Variants in SCLY observed in about 807,000 individuals in gnomAD.
The protein encoded by SCLY is selenocysteine lyase.
A neutral mutation model predicts 50.1 loss-of-function variants in SCLY; 38 were observed. The observed-to-expected ratio is 0.76, with a 90% CI of 0.59 to 0.99. The LOEUF is 0.99. Among genes scored for constraint, SCLY ranks in the 50% least tolerant of loss-of-function variants. The pLI, the probability that SCLY is intolerant of heterozygous loss-of-function variation, is 0.00. For synonymous variants in SCLY, 243 were observed against 249.4 expected, an observed-to-expected ratio of 0.97 and a Z score of 0.24; for missense variants, 600 against 620.0, an observed-to-expected ratio of 0.97 and a Z score of 0.34.
At chr2:238,088,915 G>A (rs1416681051) in intron 7 of SCLY, among the ~76,000 whole-genome samples, 2 of 152,190 alleles carry the variant, frequency 1.3e-5, no homozygotes, top group Non-Finnish European at 2.9e-5. Context: ...GGAAGTTCTG[G>A]TCAGCGTAGT....
intron 1 of SCLY, among the ~76,000 whole-genome samples, chr2:238,063,664 A>C (rs187722129): frequency 2.0e-3 from 304 of 152,348 alleles, no homozygotes; most frequent in Non-Finnish European, 2.3e-3. Flanking sequence ...CTGGGGCCAA[A>C]GTTCACCTGC....
At chr2:238,085,870 T>G (rs2065292499) in intron 7 of SCLY, among the ~76,000 whole-genome samples, 1 of 152,082 alleles carries the variant, frequency 6.6e-6, no homozygotes, top group African/African-American at 2.4e-5. Context: ...GCTAAAAAAT[T>G]TCCTGAATTT....
At chr2:238,082,257 A>T in intron 6 of SCLY, 48 bp downstream of exon 6, 1 of 1,526,230 alleles carries the variant, frequency 6.6e-7, no homozygotes, top group Non-Finnish European at 8.9e-7. Flanking sequence ...CCTACTGCGC[A>T]GGTGGCTGTT....
intron 1 of SCLY, among the ~76,000 whole-genome samples, chr2:238,062,936 C>T (rs2065031902): frequency 6.6e-6 from 1 of 152,208 alleles, no homozygotes. Flanking sequence ...AAAAGATATA[C>T]AGATAAATTT....
At position 238,069,275 on chromosome 2, in the gene SCLY, T is replaced by A; in HGVS notation, c.304-22T>A. ...ACCTCAGCACAGTTTTTGTAAATGCTTTTTTTGCTGTATCTCTGCAGTCAA... is the reference window on the plus strand; with the variant it reads ...ACCTCAGCACAGTTTTTGTAAATGCATTTTTTGCTGTATCTCTGCAGTCAA... On this transcript the variant is annotated intron_variant, in intron 3 of 11. Transcript: ENST00000254663. This position sits in a 1 kb window ranked among gnomAD's most constrained non-coding sequence, Gnocchi z 5.0. 2 of 1,604,674 alleles carry A rather than the reference T, an allele frequency of 1.2e-6. No individual in the cohort carries two copies. The highest frequency in any genetic ancestry group is 1.7e-6 in the Non-Finnish European group (2 of 1,175,234).
chr2:238,081,570 A>G, intron 4 of SCLY, 139 bp from the exon 5 acceptor site: 3 of 1,230,356 alleles, frequency 2.4e-6, no homozygotes, highest in Non-Finnish European at 3.4e-6. Flanking sequence ...TGGGCGGCTT[A>G]TATTCTTCTT....
At chr2:238,097,969 C>A (rs2065457453) in intron 11 of SCLY, among the ~76,000 whole-genome samples, 1 of 152,162 alleles carries the variant, frequency 6.6e-6, no homozygotes, top group Non-Finnish European at 1.5e-5. Flanking sequence ...CTGGGAGTGC[C>A]AAGTGCAAGA....
At chr2:238,096,696 G>A in intron 10 of SCLY, 105 bp from the exon 11 acceptor site, 1 of 1,223,554 alleles carries the variant, frequency 8.2e-7, no homozygotes, top group Non-Finnish European at 1.2e-6. Flanking sequence ...CCACCAGGTG[G>A]CACAGAGGGA....
Position 238,099,310 on chromosome 2 carries a change from T to C in SCLY, c.*955T>C, listed in dbSNP as rs1202863116. ...TGCATAGGAGTCATTTTCAGTGGAA[T>C]AACATTTTTAATGTGTGGTTTTACG... On this transcript the variant is annotated 3_prime_UTR_variant, in exon 12 of 12. Coordinates refer to ENST00000254663, the MANE Select transcript of SCLY (RefSeq NM_016510.7). The C allele has an allele frequency of 4.2e-6, 2 of 471,742 alleles. No homozygotes were observed. The highest frequency in any genetic ancestry group is 4.7e-5 in the Admixed American group (2 of 42,584). The allele number at this position is 471,742 out of a possible 1,614,324, so 29.2% of individuals were successfully genotyped here.
chr2:238,072,618 A>G lies in SCLY; in HGVS notation c.484+3141A>G, dbSNP rs1041515365. The stretch of plus-strand genomic sequence containing the variant: ...TATCTCATTTTGGTTTTGATTTACA[A>G]TTCCCTGATGGCCAGTAGTGTTGAG... On this transcript the variant is annotated intron_variant, in intron 4 of 11. Coordinates refer to ENST00000254663, the MANE Select transcript of SCLY (RefSeq NM_016510.7). 9.9e-5 allele frequency among the ~76,000 whole-genome samples: 15 copies of G among 152,282 alleles called. No homozygotes were observed. In the East Asian group the frequency reaches 1.9e-3, roughly 20 times the overall value.
intron 7 of SCLY, among the ~76,000 whole-genome samples, chr2:238,086,186 AT>A (rs1207754696): frequency 3.9e-4 from 60 of 152,370 alleles, no homozygotes; most frequent in African/African-American, 1.4e-3. Flanking sequence ...TGAAGAAGTA[AT>A]CAAAACATTC....
At chr2:238,079,107 C>T (rs1236796191) in intron 4 of SCLY, 1 of 112,546 alleles carries the variant, frequency 8.9e-6, no homozygotes, top group Non-Finnish European at 1.7e-5. Context: ...CAAGATTCCA[C>T]CCTGTCACCC....
chr2:238,068,227 G>A lies in SCLY; in HGVS notation c.303+62G>A, dbSNP rs1015860053. 3.8e-4 allele frequency: 464 copies of A among 1,210,276 alleles called. 1 individual carries two copies. The highest frequency in any genetic ancestry group is 4.9e-4 in the Non-Finnish European group (418 of 852,560). The allele number at this position is 1,210,276 out of a possible 1,614,324, so 75.0% of individuals were successfully genotyped here. ...TAAGTTATAATAAAATACACAGAAA[G>A]TGATTTCCTTTTGCTACATTTTCAT... On this transcript the variant is annotated intron_variant, in intron 3 of 11. Coordinates refer to ENST00000254663, the MANE Select transcript of SCLY (RefSeq NM_016510.7).
At chr2:238,084,457 G>T (rs1046678578) in intron 7 of SCLY, among the ~76,000 whole-genome samples, 3 of 151,942 alleles carry the variant, frequency 2.0e-5, no homozygotes, top group Non-Finnish European at 4.4e-5. Context: ...CAGGTGTGGT[G>T]GCGCATGCCT....
At position 238,094,462 on chromosome 2, in the gene SCLY, C is replaced by T. The variant is rs540993817; in HGVS notation, c.1048C>T (p.Pro350Ser). 2.4e-5 allele frequency: 38 copies of T among 1,614,216 alleles called. No individual in the cohort carries two copies. The African/African-American group carries it at 3.9e-4, about 16-fold the overall frequency. ...QKRIHLNSQF[P>S]GTQRLPNTCN... ...GAGAATCCATCTGAATAGCCAGTTT[C>T]CAGGCACCCAGCGGCTTCCCAATAC... Residue 350 changes from proline to serine, a missense_variant, in exon 10 of 12, where the codon CCA becomes TCA. Coordinates refer to ENST00000254663, the MANE Select transcript of SCLY (RefSeq NM_016510.7).
In SCLY at chr2:238,098,811, A is replaced by G. The variant is rs1397042210; in HGVS notation, c.*456A>G. The G allele has an allele frequency of 5.9e-6, 2 of 338,840 alleles. No homozygotes were observed. The highest frequency in any genetic ancestry group is 1.1e-5 in the Non-Finnish European group (2 of 189,616). 21.0% of individuals were successfully genotyped at this position (338,840 alleles called of 1,614,324 possible). A position where few individuals can be genotyped will look rare whatever the true frequency, so the allele number is the denominator to read the frequency against. ...GTATTTATAACTCATTGTCAGCCAA[A>G]TGCTATCATGAACGTAGGAAACTTG... On this transcript the variant is annotated 3_prime_UTR_variant, in exon 12 of 12. Transcript: ENST00000254663.
At chr2:238,081,676 C>T (rs779352500) in intron 4 of SCLY, 33 bp from the exon 5 acceptor site, 10 of 1,597,956 alleles carry the variant, frequency 6.3e-6, no homozygotes, top group African/African-American at 1.3e-5. Flanking sequence ...TCAATTTGTG[C>T]AGCTCAGTTC....
Position 238,082,156 on chromosome 2 carries a change from CG to C in SCLY, c.725del (p.Arg242ProfsTer60), listed in dbSNP as rs2065245198. On this transcript the variant is annotated frameshift_variant, in exon 6 of 12. Transcript: ENST00000254663. LOFTEE classifies it high-confidence loss of function. ...TDAAQALGKQ[R>X]VDVEDLGVDF... ...TGCTGCACAGGCCTTGGGGAAGCAG[CG>C]CGTGGATGTGGAGGACCTGGGCGTG... 1.9e-6 allele frequency: 3 copies of C among 1,612,454 alleles called. No individual in the cohort carries two copies. The highest frequency in any genetic ancestry group is 2.5e-6 in the Non-Finnish European group (3 of 1,179,860).
Position 238,069,459 on chromosome 2 carries a change from G to T in SCLY, c.466G>T (p.Val156Leu). 6.2e-7 allele frequency: 1 copy of T among 1,612,454 alleles called. No individual in the cohort carries two copies. The highest frequency in any genetic ancestry group is 8.5e-7 in the Non-Finnish European group (1 of 1,179,202). ...DSIRLPLEHL[V>L]EEQVAAVTFV... ...CATCCGGCTGCCCCTGGAGCACCTG[G>T]TGGAAGAACAAGTGGCAGGTGAGTG... is the stretch of plus-strand genomic sequence containing the variant. The change falls in exon 4 of 12, where the codon GTG becomes TTG. Residue 156 changes from valine to leucine, a missense_variant. Physicochemically the swap from Val to Leu is conservative, Grantham distance 32 (BLOSUM62 1). Transcript: ENST00000254663. This position sits in a 1 kb window ranked among gnomAD's most constrained non-coding sequence, Gnocchi z 5.0.
Sources: gnomAD v4.1 joint callset for allele counts (sites outside exome capture counted in the v4.1 genomes callset) on GRCh38, gnomAD v4.1.1 for gene constraint, Gnocchi (gnomAD v3.1) non-coding constraint, MANE v1.5 for transcripts, NCBI Gene and HGNC (gene_info 2026-07-23, HGNC 2026-07-21) for gene names.